The following CNTNAP2 variants were observed in gnomAD, a reference collection of about 807,000 sequenced individuals.
CNTNAP2 encodes the protein contactin-associated protein-like 2.
In CNTNAP2, 98 loss-of-function variants were observed where a neutral mutation model predicts 155.2. The ratio of observed to expected loss-of-function variants is 0.63; its 90% CI spans 0.54 to 0.75. The LOEUF is 0.75. CNTNAP2 is among the 30% of genes least tolerant of loss of function. CNTNAP2 has a pLI of 0.00. For missense variants in CNTNAP2, 1,727 were observed against 1,688.1 expected, an observed-to-expected ratio of 1.02 and a Z score of -0.40; for synonymous variants, 651 against 631.2, an observed-to-expected ratio of 1.03 and a Z score of -0.47.
intron 1 of CNTNAP2, among the ~76,000 whole-genome samples, chr7:146,533,530 T>C (rs1360023792): frequency 6.6e-6 from 1 of 152,208 alleles, no homozygotes; most frequent in East Asian, 1.9e-4. Context: ...TTGTTCCTGA[T>C]AGAACAATAA....
chr7:148,257,922 AACACACAC>A (rs59515015), intron 20 of CNTNAP2, among the ~76,000 whole-genome samples: 52,568 of 138,644 alleles, frequency 0.38, 9,629 homozygotes, highest in South Asian at 0.64. Flanking sequence ...CCACACCTTA[AACACACAC>A]ACACACACAC....
intron 3 of CNTNAP2, among the ~76,000 whole-genome samples, chr7:146,987,204 G>A (rs73463263): frequency 5.9e-5 from 9 of 152,178 alleles, no homozygotes; most frequent in Middle Eastern, 3.4e-3. Context: ...TAGCAAATAC[G>A]TTCCAAAATG....
At chr7:147,688,927 C>T (rs1796051739) in intron 13 of CNTNAP2, among the ~76,000 whole-genome samples, 1 of 152,076 alleles carries the variant, frequency 6.6e-6, no homozygotes, top group Non-Finnish European at 1.5e-5. Context: ...CAGAATACTA[C>T]CAAGGGGTCA....
At chr7:147,899,861 C>G (rs1297107074) in intron 13 of CNTNAP2, among the ~76,000 whole-genome samples, 1 of 151,470 alleles carries the variant, frequency 6.6e-6, no homozygotes, top group Non-Finnish European at 1.5e-5. Context: ...CTACTGCACT[C>G]CAGCCTGCAC....
intron 10 of CNTNAP2, among the ~76,000 whole-genome samples, chr7:147,457,852 A>G (rs75123629): frequency 2.6e-4 from 39 of 149,508 alleles, no homozygotes; most frequent in Admixed American, 1.3e-3. Flanking sequence ...CAAAAAAAAA[A>G]TCTGATCTTT....
chr7:146,587,765 C>G (rs1425297443), intron 1 of CNTNAP2, among the ~76,000 whole-genome samples: 1 of 151,980 alleles, frequency 6.6e-6, no homozygotes, highest in African/African-American at 2.4e-5. Flanking sequence ...CTCCACCTCC[C>G]ATGTTCAAGC....
intron 15 of CNTNAP2, among the ~76,000 whole-genome samples, chr7:147,989,483 A>G (rs567940805): frequency 6.6e-6 from 1 of 152,224 alleles, no homozygotes; most frequent in Non-Finnish European, 1.5e-5. Context: ...GTTAGCCAAC[A>G]TCATCATTCT....
In CNTNAP2 at chr7:147,469,848, G is replaced by A. The variant is rs188356341; in HGVS notation, c.1671-16087G>A. Among the ~76,000 whole-genome samples the A allele has an allele frequency of 1.8e-4, 28 of 152,276 alleles. No homozygotes were observed. In the East Asian group the frequency reaches 5.4e-3, roughly 29 times the overall value. On this transcript the variant is annotated intron_variant, in intron 10 of 23. Transcript: ENST00000361727. ...TGCAATTTTAAACAGAGCGATTAGAGCAGGCCTCATTGGGATGGCATTTGT... is the reference window on the plus strand; with the variant it reads ...TGCAATTTTAAACAGAGCGATTAGAACAGGCCTCATTGGGATGGCATTTGT...
chr7:148,273,332 T>A (rs11765018), intron 21 of CNTNAP2, among the ~76,000 whole-genome samples: 84,945 of 151,520 alleles, frequency 0.56, 25,332 homozygotes, highest in South Asian at 0.77. Context: ...GGGGATAACA[T>A]TTAGGGTTCC....
At chr7:148,241,976 G>A (rs1256078426) in intron 20 of CNTNAP2, among the ~76,000 whole-genome samples, 3 of 152,228 alleles carry the variant, frequency 2.0e-5, no homozygotes, top group African/African-American at 7.2e-5. Context: ...GGTTTGAGAT[G>A]TCAGTCCTCT....
intron 3 of CNTNAP2, among the ~76,000 whole-genome samples, chr7:146,931,320 C>T (rs1419445673): frequency 1.3e-5 from 2 of 151,788 alleles, no homozygotes; most frequent in African/African-American, 4.9e-5. Flanking sequence ...ACTGAACAAC[C>T]TGCTCCTGAA....
intron 9 of CNTNAP2, among the ~76,000 whole-genome samples, chr7:147,388,906 C>T (rs773185720): frequency 6.6e-5 from 10 of 152,108 alleles, no homozygotes; most frequent in Admixed American, 5.2e-4. Flanking sequence ...CTTTCTTTGA[C>T]GTTGGGAATT....
At chr7:146,946,792 T>TTTTCTTTCTTTTTTTTTTTTTTTTGAG (rs1797185777) in intron 3 of CNTNAP2, among the ~76,000 whole-genome samples, 1 of 151,812 alleles carries the variant, frequency 6.6e-6, no homozygotes, top group African/African-American at 2.4e-5. Context: ...AAGCATTTTC[T>TTTTCTTTCTTTTTTTTTTTTTTTTGAG]ACATCTTGCT....
At position 147,729,267 on chromosome 7, in the gene CNTNAP2, C is replaced by G. The variant is rs138822816; in HGVS notation, c.2098+89961C>G. 4.0e-3 allele frequency among the ~76,000 whole-genome samples: 613 copies of G among 151,820 alleles called. 7 individuals carry two copies. The highest frequency in any genetic ancestry group is 0.014 in the African/African-American group (596 of 41,446). On this transcript the variant is annotated intron_variant, in intron 13 of 23. Transcript: ENST00000361727. The stretch of plus-strand genomic sequence containing the variant: ...ATGCGTATTAAAGGAAGTAATTTAG[C>G]CTTATCTCACCTCAGGTGTCCAGAC...
intron 2 of CNTNAP2, among the ~76,000 whole-genome samples, chr7:146,777,177 AAAGT>A (rs1244946195): frequency 6.8e-5 from 9 of 132,526 alleles, no homozygotes; most frequent in Admixed American, 7.4e-5. Flanking sequence ...GTTGGGAAAG[AAAGT>A]GTTGTCTGTC....
At chr7:147,276,972 A>T (rs1207973163) in intron 8 of CNTNAP2, among the ~76,000 whole-genome samples, 7 of 151,996 alleles carry the variant, frequency 4.6e-5, no homozygotes, top group African/African-American at 1.4e-4. Flanking sequence ...ATGCTGTTAG[A>T]CGTGAAAACC....
intron 13 of CNTNAP2, among the ~76,000 whole-genome samples, chr7:147,766,530 G>A (rs561693362): frequency 2.0e-5 from 3 of 152,164 alleles, no homozygotes; most frequent in African/African-American, 7.2e-5. Context: ...TGAGGGAGAG[G>A]GAGAGAAGGG....
intron 3 of CNTNAP2, among the ~76,000 whole-genome samples, chr7:147,002,921 G>A (rs1014962104): frequency 1.3e-4 from 7 of 53,334 alleles, no homozygotes; most frequent in African/African-American, 5.3e-4. Context: ...CAAACATTCA[G>A]AACATAGCAA....
chr7:146,859,740 C>T (rs967959531), intron 3 of CNTNAP2, among the ~76,000 whole-genome samples: 2 of 151,996 alleles, frequency 1.3e-5, no homozygotes, highest in African/African-American at 4.8e-5. Flanking sequence ...TCCAACCCAA[C>T]TCAATTGAAA....
Sources: allele counts gnomAD v4.1 joint callset (sites outside exome capture counted in the v4.1 genomes callset), GRCh38; gene constraint gnomAD v4.1.1; transcripts MANE v1.5; gene names NCBI Gene and HGNC (gene_info 2026-07-23, HGNC 2026-07-21).